TSHR: variants seen among roughly 807,000 people sequenced by gnomAD.
TSHR encodes the protein thyroid stimulating hormone receptor.
In TSHR, 51 loss-of-function variants were observed where a neutral mutation model predicts 64.1. The ratio of observed to expected loss-of-function variants is 0.80; its 90% CI spans 0.64 to 1.01. The LOEUF (loss-of-function observed/expected upper bound fraction) is 1.01. TSHR is among the 50% of genes least tolerant of loss of function. The pLI, the probability that TSHR is intolerant of heterozygous loss-of-function variation, is 0.00. For synonymous variants in TSHR, 361 were observed against 361.9 expected (o/e 1.00, Z 0.03); for missense variants, 877 against 942.8 (o/e 0.93, Z 0.91).
chr14:81,033,001 G>T, intron 1 of TSHR: 1 of 361,114 alleles, frequency 2.8e-6, no homozygotes, highest in South Asian at 3.0e-5. Context: ...GCTGCTGTGT[G>T]GGGCAGATTT....
intron 1 of TSHR, among the ~76,000 whole-genome samples, chr14:81,016,450 T>C (rs565133434): frequency 5.3e-5 from 8 of 149,876 alleles, no homozygotes; most frequent in African/African-American, 2.0e-4. Flanking sequence ...TTCCAGGTCC[T>C]TTGACCATTT....
chr14:81,093,331 A>G (rs1389559223), intron 6 of TSHR, among the ~76,000 whole-genome samples: 1 of 152,254 alleles, frequency 6.6e-6, no homozygotes, highest in Non-Finnish European at 1.5e-5. Context: ...GTTCTAAAGG[A>G]GAAGATCTAA....
intron 1 of TSHR, chr14:80,995,834 G>C (rs1176824280): frequency 9.6e-6 from 1 of 103,762 alleles, no homozygotes; most frequent in Non-Finnish European, 2.1e-5. Flanking sequence ...TAAAATAAAA[G>C]TTAAAAAAAA....
intron 1 of TSHR, among the ~76,000 whole-genome samples, chr14:80,988,652 A>G (rs956201812): frequency 6.6e-6 from 1 of 152,172 alleles, no homozygotes; most frequent in Admixed American, 6.5e-5. Context: ...CACAAATTCC[A>G]TATTCTAAAG....
At chr14:81,133,742 G>T (rs74695983) in intron 8 of TSHR, among the ~76,000 whole-genome samples, 1 of 152,238 alleles carries the variant, frequency 6.6e-6, no homozygotes, top group Non-Finnish European at 1.5e-5. Flanking sequence ...GTCAAAGAAT[G>T]CTCCTAACAT....
chr14:80,964,322 TG>T (rs946147453), intron 1 of TSHR, among the ~76,000 whole-genome samples: 3 of 152,244 alleles, frequency 2.0e-5, no homozygotes, highest in African/African-American at 7.2e-5. Context: ...TTAGCTATCC[TG>T]GGGCCTAAGT....
At chr14:81,061,662 A>G (rs1207981233) in intron 1 of TSHR, among the ~76,000 whole-genome samples, 1 of 152,080 alleles carries the variant, frequency 6.6e-6, no homozygotes, top group Non-Finnish European at 1.5e-5. Context: ...GAGGAGGGAA[A>G]GGAGCAGAAA....
chr14:81,132,697 A>G (rs1409577879), intron 8 of TSHR, among the ~76,000 whole-genome samples: 1 of 152,202 alleles, frequency 6.6e-6, no homozygotes, highest in Non-Finnish European at 1.5e-5. Context: ...ATGGAGTTCA[A>G]TGCCCATTGC....
At chr14:80,975,371 G>T (rs894994046) in intron 1 of TSHR, among the ~76,000 whole-genome samples, 2 of 152,016 alleles carry the variant, frequency 1.3e-5, no homozygotes, top group East Asian at 1.9e-4. Flanking sequence ...ATGTTCTTTT[G>T]GTTTCCTCAC....
intron 8 of TSHR, among the ~76,000 whole-genome samples, chr14:81,117,302 A>G (rs1890563255): frequency 8.0e-6 from 1 of 124,362 alleles, no homozygotes; most frequent in African/African-American, 3.7e-5. Context: ...TACTAAAGAA[A>G]AAAAGAGAGA....
intron 8 of TSHR, among the ~76,000 whole-genome samples, chr14:81,111,546 T>C (rs1336260505): frequency 6.6e-6 from 1 of 152,212 alleles, no homozygotes; most frequent in Non-Finnish European, 1.5e-5. Context: ...GGCATTGCCA[T>C]AATCTTCAGC....
rs1198293340 is a variant in TSHR at position 81,109,176 on chromosome 14, G to A, written c.692+724G>A. The stretch of plus-strand genomic sequence containing the variant: ...TGTAATCCCAGCACTTTGGGAGGCC[G>A]AGGCGGGCAGATCACGAGGTCAGGC... On this transcript the variant is annotated intron_variant, in intron 8 of 9. Transcript: ENST00000298171. 1.4e-4 allele frequency among the ~76,000 whole-genome samples: 21 copies of A among 152,244 alleles called. No homozygotes were observed. In the East Asian group the frequency reaches 2.5e-3, roughly 18 times the overall value.
chr14:81,078,526 G>T (rs867463925), intron 3 of TSHR, among the ~76,000 whole-genome samples: 1 of 152,044 alleles, frequency 6.6e-6, no homozygotes, highest in Non-Finnish European at 1.5e-5. Context: ...AAGGTTTGCC[G>T]AACTTCGTGG....
At chr14:80,988,843 G>C (rs1226685685) in intron 1 of TSHR, among the ~76,000 whole-genome samples, 2 of 152,110 alleles carry the variant, frequency 1.3e-5, no homozygotes, top group East Asian at 1.9e-4. Context: ...TTTTCTGACT[G>C]TTTAATGTGG....
Position 81,145,379 on chromosome 14 carries a change from A to G in TSHR, c.*1026A>G. 1 of 233,230 alleles carries G rather than the reference A, an allele frequency of 4.3e-6. No homozygotes were observed. The highest frequency in any genetic ancestry group is 8.5e-6 in the Non-Finnish European group (1 of 118,026). 14.4% of individuals were successfully genotyped at this position (233,230 alleles called of 1,614,324 possible). ...GACTCCTAGTCCTTGAAGCCTAGAC[A>G]CATGACCCAGGAAATTTTTCCTTTG... On this transcript the variant is annotated 3_prime_UTR_variant, in exon 10 of 10. Transcript: ENST00000298171.
At chr14:80,956,056 C>A in intron 1 of TSHR, 1 of 641,722 alleles carries the variant, frequency 1.6e-6, no homozygotes, top group Non-Finnish European at 2.8e-6. Flanking sequence ...TTGACATCCT[C>A]ATTCCCAACA....
At chr14:81,041,227 C>A (rs1884905462) in intron 1 of TSHR, among the ~76,000 whole-genome samples, 1 of 152,098 alleles carries the variant, frequency 6.6e-6, no homozygotes, top group African/African-American at 2.4e-5. Flanking sequence ...CACATATGTT[C>A]ATTGCAGCAC....
intron 1 of TSHR, among the ~76,000 whole-genome samples, chr14:80,985,114 G>C (rs1435047425): frequency 1.3e-5 from 2 of 152,156 alleles, no homozygotes; most frequent in Non-Finnish European, 2.9e-5. Flanking sequence ...GCCGGGTGTG[G>C]TGGCGGGCGC....
intron 8 of TSHR, among the ~76,000 whole-genome samples, chr14:81,134,742 A>G (rs1379784751): frequency 6.6e-6 from 1 of 152,202 alleles, no homozygotes; most frequent in Non-Finnish European, 1.5e-5. Context: ...TCCTCTTATT[A>G]AGAATTCCAG....
Sources: allele counts gnomAD v4.1 joint callset (sites outside exome capture counted in the v4.1 genomes callset), GRCh38; gene constraint gnomAD v4.1.1; transcripts MANE v1.5; gene names NCBI Gene and HGNC (gene_info 2026-07-23, HGNC 2026-07-21).